CNTN5: variants seen among roughly 807,000 people sequenced by gnomAD.
CNTN5 encodes contactin-5.
Under a neutral mutation model 129.1 loss-of-function variants are expected in CNTN5, and 77 were observed. That is an observed-to-expected ratio of 0.60 (90% CI 0.50 to 0.72). The LOEUF is 0.72. Ranked by LOEUF, CNTN5 falls within the 30% of genes least tolerant of loss-of-function variation. The pLI, the probability that CNTN5 is intolerant of heterozygous loss-of-function variation, is 0.00. For missense variants in CNTN5, 1,478 were observed against 1,328.8 expected, an observed-to-expected ratio of 1.11 and a Z score of -1.75; for synonymous variants, 509 against 465.6, an observed-to-expected ratio of 1.09 and a Z score of -1.20.
At chr11:99,877,125 A>G (rs1292755667) in intron 6 of CNTN5, among the ~76,000 whole-genome samples, 2 of 152,176 alleles carry the variant, frequency 1.3e-5, no homozygotes, top group Non-Finnish European at 2.9e-5. Context: ...TTTCATTAAT[A>G]TGGATTTTTA....
intron 3 of CNTN5, among the ~76,000 whole-genome samples, chr11:99,752,469 C>A (rs1399323259): frequency 6.6e-6 from 1 of 152,072 alleles, no homozygotes; most frequent in African/African-American, 2.4e-5. Context: ...TAAAAAATGC[C>A]ATCAAACATT....
At chr11:99,217,106 G>T (rs1329808912) in intron 1 of CNTN5, among the ~76,000 whole-genome samples, 1 of 152,104 alleles carries the variant, frequency 6.6e-6, no homozygotes, top group African/African-American at 2.4e-5. Flanking sequence ...CTTGAACCTG[G>T]GAGGCAGAGT....
intron 3 of CNTN5, among the ~76,000 whole-genome samples, chr11:99,809,935 A>G (rs887826038): frequency 1.3e-5 from 2 of 152,134 alleles, no homozygotes; most frequent in African/African-American, 4.8e-5. Context: ...TTTAATCACT[A>G]AATTAATTTG....
intron 1 of CNTN5, among the ~76,000 whole-genome samples, chr11:99,061,794 C>T (rs142591735): frequency 0.011 from 1,733 of 151,952 alleles, 15 homozygotes; most frequent in Non-Finnish European, 0.018. Context: ...GAGTTTGAGA[C>T]CAGTCTGGGC....
chr11:99,761,416 T>A (rs1944577382), intron 3 of CNTN5, among the ~76,000 whole-genome samples: 1 of 152,064 alleles, frequency 6.6e-6, no homozygotes, highest in Admixed American at 6.6e-5. Context: ...TCCATCCCCC[T>A]CCCACCACCC....
At chr11:99,869,930 A>G (rs568050458) in intron 6 of CNTN5, among the ~76,000 whole-genome samples, 2 of 152,276 alleles carry the variant, frequency 1.3e-5, no homozygotes, top group South Asian at 2.1e-4. Context: ...GGCTGATGCA[A>G]TATATTGAGT....
intron 1 of CNTN5, among the ~76,000 whole-genome samples, chr11:99,077,234 T>G (rs1026898737): frequency 3.5e-5 from 5 of 144,530 alleles, no homozygotes; most frequent in Admixed American, 1.4e-4. Flanking sequence ...TGATCAAAAT[T>G]TAAAGTAAAA....
rs764046886 is a variant in CNTN5 at position 99,957,025 on chromosome 11, C to A, written c.877+16C>A. Reference sequence around the variant, plus strand: ...CGTAATGATGGTAAGTTGCTTGGCCCGTTAAAATGGTCAGCCAACTCTAAT... The same window carrying A: ...CGTAATGATGGTAAGTTGCTTGGCCAGTTAAAATGGTCAGCCAACTCTAAT... On this transcript the variant is annotated intron_variant, in intron 8 of 24. Coordinates refer to ENST00000524871, the MANE Select transcript of CNTN5 (RefSeq NM_014361.4). 1.9e-6 allele frequency: 3 copies of A among 1,606,316 alleles called. No homozygotes were observed. Among genetic ancestry groups the A allele is most frequent in the South Asian group, 2.2e-5 (2 of 90,144 alleles).
chr11:99,904,237 A>T (rs1949434537), intron 6 of CNTN5, among the ~76,000 whole-genome samples: 1 of 152,022 alleles, frequency 6.6e-6, no homozygotes, highest in South Asian at 2.1e-4. Context: ...CCATCAACTC[A>T]TCATCTACAT....
At chr11:99,779,516 G>C (rs547994638) in intron 3 of CNTN5, among the ~76,000 whole-genome samples, 2 of 151,998 alleles carry the variant, frequency 1.3e-5, no homozygotes, top group African/African-American at 2.4e-5. Context: ...TAAATTTCCA[G>C]CTTCCCTTAG....
rs2135304756 is a variant in CNTN5, at chr11:99,479,168, C to G, written c.-70-76977C>G. On this transcript the variant is annotated intron_variant, in intron 2 of 24. Transcript: ENST00000524871. ...TCATCCTCTTCTAGTTTCATTAATTCTTATTTTTAAGAACTATTTGTTTGT... is the reference window on the plus strand; with the variant it reads ...TCATCCTCTTCTAGTTTCATTAATTGTTATTTTTAAGAACTATTTGTTTGT... Among the ~76,000 whole-genome samples the G allele has an allele frequency of 1.3e-5, 2 of 151,720 alleles. 1 individual carries two copies. Among genetic ancestry groups the G allele is most frequent in the South Asian group, 4.2e-4 (2 of 4,780 alleles).
chr11:99,534,409 TA>T (rs1402375446), intron 2 of CNTN5, among the ~76,000 whole-genome samples: 3 of 152,146 alleles, frequency 2.0e-5, no homozygotes, highest in Non-Finnish European at 2.9e-5. Context: ...TTTCTTATGT[TA>T]AACCGTAGGA....
intron 3 of CNTN5, among the ~76,000 whole-genome samples, chr11:99,597,872 G>C (rs1950173050): frequency 6.7e-6 from 1 of 148,164 alleles, no homozygotes; most frequent in Non-Finnish European, 1.5e-5. Context: ...CCATGGAAGT[G>C]GCAAGCTTAT....
intron 2 of CNTN5, among the ~76,000 whole-genome samples, chr11:99,496,194 G>A (rs550966710): frequency 6.6e-6 from 1 of 152,106 alleles, no homozygotes; most frequent in East Asian, 1.9e-4. Flanking sequence ...ATAGAGAAGC[G>A]TGACGAGGAC....
intron 2 of CNTN5, among the ~76,000 whole-genome samples, chr11:99,421,537 G>T (rs1942888774): frequency 6.6e-6 from 1 of 152,134 alleles, no homozygotes. Flanking sequence ...AGAAATTATA[G>T]CACCTTTGGA....
chr11:99,879,479 T>C (rs1565632417), intron 6 of CNTN5, among the ~76,000 whole-genome samples: 1 of 152,192 alleles, frequency 6.6e-6, no homozygotes, highest in African/African-American at 2.4e-5. Flanking sequence ...ACAGAACAGG[T>C]AAACATAGAA....
chr11:99,714,565 G>GTT (rs1490177265), intron 3 of CNTN5, among the ~76,000 whole-genome samples: 1 of 151,816 alleles, frequency 6.6e-6, no homozygotes, highest in Admixed American at 6.6e-5. Context: ...TGCCATGCTG[G>GTT]TTTTTTAACA....
At chr11:100,292,745 G>T (rs2138867917) in intron 18 of CNTN5, among the ~76,000 whole-genome samples, 1 of 152,050 alleles carries the variant, frequency 6.6e-6, no homozygotes, top group Non-Finnish European at 1.5e-5. Flanking sequence ...ATGTATATGA[G>T]TTGGAGGCAG....
At chr11:99,513,709 C>T (rs1946931338) in intron 2 of CNTN5, among the ~76,000 whole-genome samples, 1 of 148,548 alleles carries the variant, frequency 6.7e-6, no homozygotes, top group Non-Finnish European at 1.5e-5. Context: ...ATTTTAAACC[C>T]ACTATTGAGA....
Sources: allele counts gnomAD v4.1 joint callset (sites outside exome capture counted in the v4.1 genomes callset), GRCh38; gene constraint gnomAD v4.1.1; transcripts MANE v1.5; gene names NCBI Gene and HGNC (gene_info 2026-07-23, HGNC 2026-07-21).